FRAS1: variants seen among roughly 807,000 people sequenced by gnomAD.
The protein encoded by FRAS1 is Fraser extracellular matrix complex subunit 1, also known as extracellular matrix organizing protein FRAS1.
In FRAS1, 290 loss-of-function variants were observed where a neutral mutation model predicts 435.2. The ratio of observed to expected loss-of-function variants is 0.67; its 90% CI spans 0.61 to 0.73. The LOEUF (loss-of-function observed/expected upper bound fraction) is 0.73, where lower values mean the gene tolerates loss of function less well. Among genes scored for constraint, FRAS1 ranks in the 30% least tolerant of loss-of-function variants. The probability of loss-of-function intolerance (pLI) is 0.00; values close to 1 mark genes in which losing one functional copy is unlikely to be tolerated. For missense variants in FRAS1, 4,860 were observed against 5,001.5 expected (o/e 0.97, Z 0.85); for synonymous variants, 1,800 against 1,851.0 (o/e 0.97, Z 0.71).
intron 2 of FRAS1, among the ~76,000 whole-genome samples, chr4:78,115,937 G>C (rs1743136854): frequency 6.6e-6 from 1 of 151,984 alleles, no homozygotes; most frequent in Non-Finnish European, 1.5e-5. Context: ...GTCAATTTTA[G>C]ATCTTTCCTG....
intron 14 of FRAS1, among the ~76,000 whole-genome samples, chr4:78,304,582 G>A (rs1385384557): frequency 1.3e-5 from 2 of 151,808 alleles, no homozygotes; most frequent in Non-Finnish European, 2.9e-5. Flanking sequence ...CTTCTTCCTG[G>A]TTTAGTCTTG....
rs1213562563 is a variant in FRAS1, at chr4:78,438,665, GCT to G, written c.5317_5318del (p.Ser1773ArgfsTer12). The G allele has an allele frequency of 6.2e-7, 1 of 1,612,224 alleles. No homozygotes were observed. The highest frequency in any genetic ancestry group is 8.5e-7 in the Non-Finnish European group (1 of 1,178,970). Reference protein sequence around the residue: ...LRISGSEVEELSEVSNFTMED... With the variant: ...LRISGSEVEEXSEVSNFTMED... ...GAATCTCAGGATCTGAGGTGGAAGAGCTCTCAGAAGTTTCCAATTTCACAATG... is the reference window on the plus strand; with the variant it reads ...GAATCTCAGGATCTGAGGTGGAAGAGCTCAGAAGTTTCCAATTTCACAATG... On this transcript the variant is annotated frameshift_variant, in exon 39 of 74. Transcript: ENST00000512123. LOFTEE classifies it high-confidence loss of function.
chr4:78,457,637 G>T (rs141710679), intron 47 of FRAS1, among the ~76,000 whole-genome samples: 1 of 152,236 alleles, frequency 6.6e-6, no homozygotes, highest in African/African-American at 2.4e-5. Context: ...AATCACCGAC[G>T]TACCCACGAA....
At chr4:78,420,099 G>A (rs996980537) in intron 33 of FRAS1, among the ~76,000 whole-genome samples, 1 of 152,144 alleles carries the variant, frequency 6.6e-6, no homozygotes, top group East Asian at 1.9e-4. Flanking sequence ...CTCACAGAAA[G>A]AAGATCAGGT....
intron 18 of FRAS1, among the ~76,000 whole-genome samples, chr4:78,327,914 A>C (rs1217029309): frequency 6.6e-6 from 1 of 152,226 alleles, no homozygotes; most frequent in Non-Finnish European, 1.5e-5. Flanking sequence ...TACTTGCAGA[A>C]ACAGAGCATT....
intron 20 of FRAS1, among the ~76,000 whole-genome samples, chr4:78,361,852 C>A (rs1299813689): frequency 6.6e-6 from 1 of 152,150 alleles, no homozygotes; most frequent in Non-Finnish European, 1.5e-5. Context: ...GTAACCAGAA[C>A]TCTTTCTTTT....
At chr4:78,204,096 A>G (rs896886619) in intron 2 of FRAS1, among the ~76,000 whole-genome samples, 2 of 152,228 alleles carry the variant, frequency 1.3e-5, no homozygotes, top group Non-Finnish European at 2.9e-5. Context: ...ATGAGTTCAA[A>G]GTTAATGAAT....
intron 2 of FRAS1, among the ~76,000 whole-genome samples, chr4:78,129,015 C>A (rs1279264633): frequency 6.6e-6 from 1 of 152,164 alleles, no homozygotes; most frequent in Non-Finnish European, 1.5e-5. Context: ...ATAGGGAATC[C>A]TTTCCCCATT....
chr4:78,257,525 A>C (rs557148897), intron 6 of FRAS1, among the ~76,000 whole-genome samples: 3 of 152,292 alleles, frequency 2.0e-5, no homozygotes, highest in African/African-American at 7.2e-5. Context: ...AAGGATTTTC[A>C]TGATTTTTAA....
chr4:78,185,382 T>C (rs904024730), intron 2 of FRAS1, among the ~76,000 whole-genome samples: 3 of 152,210 alleles, frequency 2.0e-5, no homozygotes, highest in African/African-American at 7.2e-5. Flanking sequence ...ATGGAATGTA[T>C]TTGTGCCAGA....
chr4:78,112,336 C>G (rs1345567416), intron 2 of FRAS1, among the ~76,000 whole-genome samples: 4 of 152,166 alleles, frequency 2.6e-5, no homozygotes, highest in Non-Finnish European at 5.9e-5. Context: ...ACTTCATACA[C>G]ATATTTACAT....
intron 2 of FRAS1, among the ~76,000 whole-genome samples, chr4:78,209,747 A>G (rs925912686): frequency 1.3e-5 from 2 of 152,246 alleles, no homozygotes; most frequent in African/African-American, 4.8e-5. Context: ...TGAAAGGGTC[A>G]TAGCAGCAGG....
intron 4 of FRAS1, among the ~76,000 whole-genome samples, chr4:78,246,741 C>T (rs933003160): frequency 1.6e-4 from 16 of 101,676 alleles, no homozygotes; most frequent in Non-Finnish European, 3.7e-4. Context: ...AGTCCAGGAT[C>T]TGGGGGAAAA....
intron 61 of FRAS1, among the ~76,000 whole-genome samples, chr4:78,506,056 G>C (rs1395732866): frequency 1.3e-5 from 2 of 152,220 alleles, no homozygotes; most frequent in Non-Finnish European, 2.9e-5. Flanking sequence ...GGTATCACCA[G>C]CAGAGGCTGT....
At chr4:78,126,660 C>T (rs952663308) in intron 2 of FRAS1, among the ~76,000 whole-genome samples, 3 of 152,212 alleles carry the variant, frequency 2.0e-5, no homozygotes, top group Admixed American at 6.5e-5. Flanking sequence ...CTCCCTTCCT[C>T]AAATCTCATT....
chr4:78,192,447 A>G (rs952106179), intron 2 of FRAS1, among the ~76,000 whole-genome samples: 1 of 152,202 alleles, frequency 6.6e-6, no homozygotes, highest in African/African-American at 2.4e-5. Flanking sequence ...CCTCAATTTC[A>G]GAGCCTGTTA....
chr4:78,253,491 T>C (rs1185311813), intron 5 of FRAS1, among the ~76,000 whole-genome samples: 2 of 152,180 alleles, frequency 1.3e-5, no homozygotes, highest in South Asian at 4.1e-4. Flanking sequence ...AGGTGATAAA[T>C]GTCCATGAAA....
At chr4:78,327,619 T>C (rs1488644329) in intron 18 of FRAS1, among the ~76,000 whole-genome samples, 1 of 152,198 alleles carries the variant, frequency 6.6e-6, no homozygotes, top group Admixed American at 6.5e-5. Flanking sequence ...TTTTCAGAAA[T>C]ATATGTACTT....
At chr4:78,165,386 A>G (rs930088241) in intron 2 of FRAS1, among the ~76,000 whole-genome samples, 1 of 152,232 alleles carries the variant, frequency 6.6e-6, no homozygotes, top group East Asian at 1.9e-4. Flanking sequence ...CAAGTGAAAC[A>G]ATATGATTTC....
Sources: allele counts gnomAD v4.1 joint callset (sites outside exome capture counted in the v4.1 genomes callset), GRCh38; gene constraint gnomAD v4.1.1; transcripts MANE v1.5; gene names NCBI Gene and HGNC (gene_info 2026-07-23, HGNC 2026-07-21).